Variants in MNAT1 observed in about 807,000 individuals in gnomAD.
MNAT1 encodes the protein CDK-activating kinase assembly factor MAT1.
MNAT1 carries 43 observed loss-of-function variants against 42.0 expected under a neutral mutation model. The observed-to-expected ratio is 1.02, with a 90% CI of 0.80 to 1.32. MNAT1 has a LOEUF of 1.32. Among genes scored for constraint, MNAT1 ranks in the 40% most tolerant of loss-of-function variants. The pLI, the probability that MNAT1 is intolerant of heterozygous loss-of-function variation, is 0.00. For missense variants in MNAT1, 306 were observed against 350.4 expected (o/e 0.87, Z 1.01); for synonymous variants, 118 against 120.0 (o/e 0.98, Z 0.11).
intron 7 of MNAT1, among the ~76,000 whole-genome samples, chr14:60,942,003 CAAAAAAAA>C (rs3080602): frequency 2.7e-4 from 8 of 29,938 alleles, no homozygotes; most frequent in South Asian, 5.2e-3. Context: ...GGCTCCATCT[CAAAAAAAA>C]AAAAAAAAAA....
At chr14:60,915,436 T>C (rs934229127) in intron 7 of MNAT1, among the ~76,000 whole-genome samples, 1 of 152,230 alleles carries the variant, frequency 6.6e-6, no homozygotes. Context: ...TTGTGTTTCT[T>C]AGATTTCCCA....
Position 60,846,092 on chromosome 14 carries a change from TTCTTTTTCCTTCCTC to T in MNAT1, c.687+27252_687+27266del, listed in dbSNP as rs1044795525. ...TCACACTTCCTTTTTCTATCCCCGT[TTCTTTTTCCTTCCTC>T]TCTTTTCCCTCCCTCTCTTCCTTTC... On this transcript the variant is annotated intron_variant, in intron 6 of 7. Transcript: ENST00000261245. 6.6e-5 allele frequency among the ~76,000 whole-genome samples: 10 copies of T among 152,094 alleles called. No individual in the cohort carries two copies. The East Asian group carries it at 7.7e-4, about 12-fold the overall frequency.
At chr14:60,847,453 T>C (rs996910163) in intron 6 of MNAT1, among the ~76,000 whole-genome samples, 10 of 151,772 alleles carry the variant, frequency 6.6e-5, no homozygotes, top group Admixed American at 2.0e-4. Context: ...CTACTTCAGC[T>C]CTCTTATGGT....
chr14:60,889,607 T>G (rs895287845), intron 7 of MNAT1, among the ~76,000 whole-genome samples: 2 of 152,134 alleles, frequency 1.3e-5, no homozygotes, highest in African/African-American at 4.8e-5. Context: ...AAATGGGATC[T>G]AATTAAACTA....
At chr14:60,938,786 G>C (rs2036069054) in intron 7 of MNAT1, among the ~76,000 whole-genome samples, 1 of 152,120 alleles carries the variant, frequency 6.6e-6, no homozygotes, top group Non-Finnish European at 1.5e-5. Context: ...TCTACTGATT[G>C]GAATAGTTTC....
chr14:60,895,451 C>T (rs900886174), intron 7 of MNAT1, among the ~76,000 whole-genome samples: 11 of 152,276 alleles, frequency 7.2e-5, no homozygotes, highest in Middle Eastern at 3.4e-3. Context: ...TTGTCCATGT[C>T]GTTGCTAGAA....
chr14:60,814,896 T>A (rs2032663765), intron 5 of MNAT1, among the ~76,000 whole-genome samples: 1 of 152,158 alleles, frequency 6.6e-6, no homozygotes, highest in South Asian at 2.1e-4. Context: ...CATGTTGTAT[T>A]TTATATTTTT....
intron 1 of MNAT1, among the ~76,000 whole-genome samples, chr14:60,742,747 C>T (rs1383209931): frequency 3.9e-5 from 6 of 152,170 alleles, no homozygotes; most frequent in Non-Finnish European, 7.3e-5. Context: ...TGGAATCATA[C>T]AGTATGTGGT....
chr14:60,886,009 A>G (rs1025743074), intron 7 of MNAT1, among the ~76,000 whole-genome samples: 1 of 151,984 alleles, frequency 6.6e-6, no homozygotes, highest in Non-Finnish European at 1.5e-5. Context: ...GCCATTGACT[A>G]AAAATATTAG....
intron 1 of MNAT1, among the ~76,000 whole-genome samples, chr14:60,747,086 C>T (rs1186225285): frequency 8.1e-5 from 12 of 148,816 alleles, no homozygotes; most frequent in Non-Finnish European, 1.2e-4. Flanking sequence ...CCCAGGTTCA[C>T]GCCATTCTTC....
chr14:60,839,224 G>A (rs567874915), intron 6 of MNAT1, among the ~76,000 whole-genome samples: 3 of 152,278 alleles, frequency 2.0e-5, no homozygotes, highest in African/African-American at 7.2e-5. Flanking sequence ...GAGCCTGCCC[G>A]TGGCCACCCA....
intron 1 of MNAT1, among the ~76,000 whole-genome samples, chr14:60,776,674 T>C (rs1196487302): frequency 6.6e-6 from 1 of 152,110 alleles, no homozygotes; most frequent in African/African-American, 2.4e-5. Context: ...AATATGAGTA[T>C]GTATTACGTA....
At chr14:60,901,591 C>T (rs1199415971) in intron 7 of MNAT1, among the ~76,000 whole-genome samples, 3 of 152,122 alleles carry the variant, frequency 2.0e-5, no homozygotes, top group East Asian at 1.9e-4. Context: ...AATATTTGTG[C>T]ATTAGGAATA....
At chr14:60,852,456 G>C (rs947976692) in intron 6 of MNAT1, among the ~76,000 whole-genome samples, 1 of 152,198 alleles carries the variant, frequency 6.6e-6, no homozygotes. Flanking sequence ...ACCTTTGTCA[G>C]ATGGGTAGAT....
chr14:60,780,245 A>T, intron 1 of MNAT1: 1 of 1,440,550 alleles, frequency 6.9e-7, no homozygotes, highest in Non-Finnish European at 9.8e-7. Flanking sequence ...AGTTATCTCA[A>T]ATATTGAAAG....
At chr14:60,781,860 C>T (rs889299949) in intron 1 of MNAT1, among the ~76,000 whole-genome samples, 5 of 151,444 alleles carry the variant, frequency 3.3e-5, no homozygotes, top group Non-Finnish European at 2.9e-5. Flanking sequence ...TATTTAGTGT[C>T]TCAAGTATTT....
At chr14:60,778,786 A>G (rs2031342565) in intron 1 of MNAT1, among the ~76,000 whole-genome samples, 1 of 152,208 alleles carries the variant, frequency 6.6e-6, no homozygotes. Context: ...GTGATCCTCT[A>G]CAAGGATGGG....
chr14:60,778,120 A>G (rs954387277), intron 1 of MNAT1, among the ~76,000 whole-genome samples: 3 of 152,186 alleles, frequency 2.0e-5, no homozygotes, highest in Non-Finnish European at 1.5e-5. Context: ...TCTGCTAGTC[A>G]TCTTCAGTGA....
chr14:60,896,922 C>G (rs1193801776), intron 7 of MNAT1, among the ~76,000 whole-genome samples: 3 of 151,952 alleles, frequency 2.0e-5, no homozygotes, highest in Non-Finnish European at 4.4e-5. Flanking sequence ...TATTTTATTT[C>G]TTTCATGTAC....
Sources: allele counts gnomAD v4.1 joint callset (sites outside exome capture counted in the v4.1 genomes callset), GRCh38; gene constraint gnomAD v4.1.1; transcripts MANE v1.5; gene names NCBI Gene and HGNC (gene_info 2026-07-23, HGNC 2026-07-21).